Variants in MYO19 observed in about 807,000 individuals in gnomAD.
MYO19 encodes the protein unconventional myosin-XIX.
MYO19 carries 132 observed loss-of-function variants against 129.2 expected under a neutral mutation model. The ratio of observed to expected loss-of-function variants is 1.02; its 90% confidence interval spans 0.89 to 1.18. The LOEUF (loss-of-function observed/expected upper bound fraction) is 1.18, where lower values mean the gene tolerates loss of function less well. MYO19 is among the 50% of genes most tolerant of loss of function. The pLI, the probability that MYO19 is intolerant of heterozygous loss-of-function variation, is 0.00. For missense variants in MYO19, 1,210 were observed against 1,216.7 expected (o/e 0.99, Z 0.08); for synonymous variants, 531 against 477.2 (o/e 1.11, Z -1.47).
At chr17:36,511,577 G>C in intron 11 of MYO19, 122 bp from the exon 12 acceptor site, 1 of 730,202 alleles carries the variant, frequency 1.4e-6, no homozygotes, top group Non-Finnish European at 2.2e-6. Context: ...CATGGCCCAA[G>C]TGCCCATCTC....
In MYO19 at chr17:36,516,050, C is replaced by T; in HGVS notation, c.415-60G>A. 6 of 1,526,612 alleles carry T rather than the reference C, an allele frequency of 3.9e-6. No homozygotes were observed. The South Asian group carries it at 6.0e-5, about 15-fold the overall frequency. 94.6% of individuals were successfully genotyped at this position (1,526,612 alleles called of 1,614,324 possible). ...ATGCTCCCGCCCACTTCTGAGCCTG[C>T]CTGAGAGAACAGTGCCCACCAGAGC... On this transcript the variant is annotated intron_variant, in intron 6 of 25. Transcript: ENST00000614623.
chr17:36,498,494 A>T lies in MYO19; in HGVS notation c.2529T>A (p.Ala843=). 6.2e-7 allele frequency: 1 copy of T among 1,614,054 alleles called. No homozygotes were observed. Among genetic ancestry groups the T allele is most frequent in the South Asian group, 1.1e-5 (1 of 91,086 alleles). The change falls in exon 25 of 26, where the codon GCT becomes GCA. Residue 843 remains alanine (A), a synonymous_variant. Coordinates refer to ENST00000614623, the MANE Select transcript of MYO19 (RefSeq NM_001163735.2). Reference sequence around the variant, plus strand: ...GCGGCGAGGTGCTCAGGGAACAGGGAGCTTGAGAGAAGTGTTTTTCTTCCA... The same window carrying T: ...GCGGCGAGGTGCTCAGGGAACAGGGTGCTTGAGAGAAGTGTTTTTCTTCCA... The part of the protein sequence containing the change: ...DGVEEKHFSQ[A]PCSLSTSPLQ...
At chr17:36,516,891 ATTT>A (rs2072789549) in intron 6 of MYO19, among the ~76,000 whole-genome samples, 1 of 152,042 alleles carries the variant, frequency 6.6e-6, no homozygotes, top group Non-Finnish European at 1.5e-5. Flanking sequence ...GATCAGAGAT[ATTT>A]CTATCTTCTG....
chr17:36,507,646 A>C (rs2072010406), intron 15 of MYO19, 134 bp from the exon 16 acceptor site: 4 of 1,271,730 alleles, frequency 3.1e-6, no homozygotes, highest in Non-Finnish European at 4.4e-6. Flanking sequence ...TCAAAACATT[A>C]CATTGTACTC....
At position 36,527,465 on chromosome 17, in the gene MYO19, T is replaced by C. The variant is rs192328879; in HGVS notation, c.300+86A>G. The C allele has an allele frequency of 4.9e-6, 7 of 1,431,772 alleles. No homozygotes were observed. In the Admixed American group the frequency reaches 1.5e-4, roughly 30 times the overall value. The allele number at this position is 1,431,772 out of a possible 1,614,324, so 88.7% of individuals were successfully genotyped here. On this transcript the variant is annotated intron_variant, in intron 5 of 25. Coordinates refer to ENST00000614623, the MANE Select transcript of MYO19 (RefSeq NM_001163735.2). ...TCTGAATGACCACATTGCTGGTGAA[T>C]AGATGAATAAGGACAGGGGTAACTG...
upstream of MYO19, chr17:36,538,090 G>A (rs147971755): frequency 1.4e-5 from 23 of 1,614,036 alleles, no homozygotes; most frequent in Middle Eastern, 1.6e-4. Flanking sequence ...CATAAGAACC[G>A]ATCACATATC....
upstream of MYO19, chr17:36,537,111 A>G: frequency 6.3e-7 from 1 of 1,585,814 alleles, no homozygotes; most frequent in Non-Finnish European, 8.6e-7. Flanking sequence ...AATGTCTGAA[A>G]AGCAGATGAA....
chr17:36,508,960 A>C, intron 14 of MYO19, 102 bp downstream of exon 14: 1 of 981,232 alleles, frequency 1.0e-6, no homozygotes, highest in Non-Finnish European at 1.6e-6. Context: ...AAGGGAAAGG[A>C]ACTGCCCAGA....
In MYO19 at chr17:36,495,847, AACC is replaced by A. The variant is rs1194180179; in HGVS notation, c.*401_*403del. On this transcript the variant is annotated 3_prime_UTR_variant, in exon 26 of 26. Coordinates refer to ENST00000614623, the MANE Select transcript of MYO19 (RefSeq NM_001163735.2). ...AGTTTTGTTCCTTTTTAAAGGAAAT[AACC>A]ACAAGATTTTTCCCAGCCCAAATTC... 5.6e-6 allele frequency: 7 copies of A among 1,241,848 alleles called. No homozygotes were observed. Among genetic ancestry groups the A allele is most frequent in the Middle Eastern group, 3.1e-4 (1 of 3,262 alleles). The allele number at this position is 1,241,848 out of a possible 1,614,324, so 76.9% of individuals were successfully genotyped here.
In MYO19 at chr17:36,513,794, A is replaced by G. The variant is rs1314263112; in HGVS notation, c.721-69T>C. Reference sequence around the variant, plus strand: ...AAAGCCCAGGCCTGCATAGGCAGGCATGGGGTTGGGATAAGAGGAGAGTTG... The same window carrying G: ...AAAGCCCAGGCCTGCATAGGCAGGCGTGGGGTTGGGATAAGAGGAGAGTTG... On this transcript the variant is annotated intron_variant, in intron 9 of 25. Coordinates refer to ENST00000614623, the MANE Select transcript of MYO19 (RefSeq NM_001163735.2). 2.2e-6 allele frequency: 3 copies of G among 1,363,790 alleles called. No homozygotes were observed. In the East Asian group the frequency reaches 7.2e-5, roughly 33 times the overall value. The allele number at this position is 1,363,790 out of a possible 1,614,324, so 84.5% of individuals were successfully genotyped here.
rs761930190 is a variant in MYO19, at chr17:36,515,186, C to G, written c.548-4G>C. On this transcript the variant is annotated splice_region_variant and splice_polypyrimidine_tract_variant and intron_variant, in intron 7 of 25. Transcript: ENST00000614623. Reference sequence around the variant, plus strand: ...TTCCTCAGTGTACACGCATTCCCTACAGATCACACCTATGTTTATTTCACT... The same window carrying G: ...TTCCTCAGTGTACACGCATTCCCTAGAGATCACACCTATGTTTATTTCACT... The G allele has an allele frequency of 6.2e-7, 1 of 1,612,136 alleles. No homozygotes were observed. The highest frequency in any genetic ancestry group is 1.7e-5 in the Admixed American group (1 of 59,804).
In MYO19 at chr17:36,498,370, C is replaced by T. The variant is rs1254250386; in HGVS notation, c.2653G>A (p.Val885Met). The change falls in exon 25 of 26, where the codon GTG (valine) becomes ATG (methionine). Residue 885 changes from valine to methionine, a missense_variant. By Grantham distance (21) the Val-to-Met change is conservative. Transcript: ENST00000614623. The stretch of plus-strand genomic sequence containing the variant: ...GGGAGCTGGAGGCAAGCCCAGACCA[C>T]TAATTTCCTCTGAAAGCTGCCTACA... ...MGVGSFQRKLVVWACLQLPRG... is the reference protein window; with the variant it reads ...MGVGSFQRKLMVWACLQLPRG... 6.2e-7 allele frequency: 1 copy of T among 1,614,034 alleles called. No individual in the cohort carries two copies. The highest frequency in any genetic ancestry group is 8.5e-7 in the Non-Finnish European group (1 of 1,179,898).
intron 2 of MYO19, among the ~76,000 whole-genome samples, chr17:36,541,288 C>T (rs1357428061): frequency 2.0e-5 from 3 of 152,142 alleles, no homozygotes; most frequent in African/African-American, 7.2e-5. Flanking sequence ...GTCTACTACA[C>T]GTGCCCCAGT....
In MYO19 at chr17:36,505,337, G is replaced by A; in HGVS notation, c.1865C>T (p.Pro622Leu). The A allele has an allele frequency of 1.2e-6, 2 of 1,614,230 alleles. No homozygotes were observed. The highest frequency in any genetic ancestry group is 1.7e-6 in the Non-Finnish European group (2 of 1,180,046). Residue 622 changes from proline (P) to leucine (L), a missense_variant, in exon 19 of 26, where the codon CCC becomes CTC. Pro to Leu is a moderately conservative substitution (Grantham distance 98). Coordinates refer to ENST00000614623, the MANE Select transcript of MYO19 (RefSeq NM_001163735.2). ...GGTCTGCGCCTGGCCCTGGCTGTTG[G>A]GCTTGATGCAGCGAATGTAGTGGGG... ...TTPHYIRCIK[P>L]NSQGQAQTFL... is the part of the protein sequence containing the mutation.
rs1327320151 is a variant in MYO19, at chr17:36,499,059, C to T, written c.2463+16G>A. The T allele has an allele frequency of 6.3e-7, 1 of 1,594,800 alleles. No homozygotes were observed. Among genetic ancestry groups the T allele is most frequent in the African/African-American group, 1.3e-5 (1 of 74,686 alleles). On this transcript the variant is annotated intron_variant, in intron 24 of 25. Transcript: ENST00000614623. ...ATTGATCCACTGCCCACCCCGACTT[C>T]TTGGGTCTTACTTACTCTCCACTTC...
intron 6 of MYO19, among the ~76,000 whole-genome samples, chr17:36,522,235 C>A (rs544079343): frequency 1.8e-4 from 27 of 152,052 alleles, no homozygotes; most frequent in Non-Finnish European, 3.5e-4. Flanking sequence ...TTTGGCCGGG[C>A]GTGGTGGCTC....
Position 36,501,195 on chromosome 17 carries a change from G to A in MYO19, c.2121C>T (p.Leu707=). 2 of 1,613,970 alleles carry A rather than the reference G, an allele frequency of 1.2e-6. No homozygotes were observed. The highest frequency in any genetic ancestry group is 8.5e-7 in the Non-Finnish European group (1 of 1,179,854). Reference sequence around the variant, plus strand: ...GCAGAGTGTGGAGAATGTCCTGGATGAGAGGTTCAAGCGTGGCTTCCTCGC... The same window carrying A: ...GCAGAGTGTGGAGAATGTCCTGGATAAGAGGTTCAAGCGTGGCTTCCTCGC... ...PHSEEATLEP[L]IQDILHTLPV... Residue 707 remains leucine (L), a synonymous_variant, in exon 22 of 26, where the codon CTC becomes CTT. Transcript: ENST00000614623.
chr17:36,499,212 C>T (rs1282422876), intron 23 of MYO19, 52 bp from the exon 24 acceptor site: 18 of 1,383,614 alleles, frequency 1.3e-5, no homozygotes, highest in Non-Finnish European at 1.8e-5. Flanking sequence ...GCCATTAGAG[C>T]TGTCAGTGAC....
intron 6 of MYO19, among the ~76,000 whole-genome samples, chr17:36,520,504 G>A (rs937660240): frequency 3.7e-4 from 57 of 152,172 alleles, no homozygotes; most frequent in African/African-American, 1.1e-3. Flanking sequence ...TGAATTGCAT[G>A]GGTCCACTTA....
Sources: allele counts gnomAD v4.1 joint callset (sites outside exome capture counted in the v4.1 genomes callset), GRCh38; gene constraint gnomAD v4.1.1; transcripts MANE v1.5; gene names NCBI Gene and HGNC (gene_info 2026-07-23, HGNC 2026-07-21).